The following BBS9 variants were observed in gnomAD, a reference collection of about 807,000 sequenced individuals.
The protein encoded by BBS9 is Bardet-Biedl syndrome 9.
BBS9 carries 89 observed loss-of-function variants against 117.7 expected under a neutral mutation model. The observed-to-expected ratio is 0.76, with a 90% CI of 0.64 to 0.90. The LOEUF is 0.90. Among genes scored for constraint, BBS9 ranks in the 40% least tolerant of loss-of-function variants. The probability of loss-of-function intolerance (pLI) is 0.00; values close to 1 mark genes in which losing one functional copy is unlikely to be tolerated. For synonymous variants in BBS9, 379 were observed against 370.9 expected (o/e 1.02, Z -0.25); for missense variants, 982 against 1,042.2 (o/e 0.94, Z 0.80).
chr7:33,630,498 C>A (rs1328109503), intron 21 of BBS9, among the ~76,000 whole-genome samples: 1 of 152,126 alleles, frequency 6.6e-6, no homozygotes, highest in African/African-American at 2.4e-5. Context: ...AATGCCCCTA[C>A]CCCTGCGTCC....
intron 12 of BBS9, 63 bp from the exon 13 acceptor site, chr7:33,349,004 TA>T: frequency 1.7e-6 from 2 of 1,150,012 alleles, no homozygotes; most frequent in African/African-American, 3.0e-5. Flanking sequence ...TTTAAGTAGT[TA>T]CGATAGTCTA....
chr7:33,590,335 T>A (rs906517348), intron 21 of BBS9, among the ~76,000 whole-genome samples: 1 of 152,054 alleles, frequency 6.6e-6, no homozygotes, highest in Admixed American at 6.6e-5. Context: ...GGTCAAGAGA[T>A]AGTTAATTTT....
chr7:33,358,258 T>C (rs1177256091), intron 16 of BBS9, among the ~76,000 whole-genome samples: 1 of 151,890 alleles, frequency 6.6e-6, no homozygotes, highest in Non-Finnish European at 1.5e-5. Context: ...AAATCAAGTG[T>C]TTCTCTTTAG....
chr7:33,479,215 C>A (rs185360974), intron 19 of BBS9, among the ~76,000 whole-genome samples: 102 of 152,154 alleles, frequency 6.7e-4, no homozygotes, highest in African/African-American at 2.3e-3. Context: ...AGCATAGTAC[C>A]CGCTAGGTAG....
intron 19 of BBS9, among the ~76,000 whole-genome samples, chr7:33,500,514 G>A: frequency 6.6e-6 from 1 of 152,176 alleles, no homozygotes; most frequent in Non-Finnish European, 1.5e-5. Flanking sequence ...GGGGGACAGG[G>A]GGTCAGCAGT....
chr7:33,432,451 G>A (rs1020198489), intron 19 of BBS9, among the ~76,000 whole-genome samples: 1 of 151,946 alleles, frequency 6.6e-6, no homozygotes, highest in Non-Finnish European at 1.5e-5. Flanking sequence ...TTATTTTGCA[G>A]TGTAATTACA....
Position 33,510,665 on chromosome 7 carries a change from C to T in BBS9, c.2298+5020C>T, listed in dbSNP as rs1035616246. ...CCTGTGCTGCCTAATATGGTAGCCC[C>T]TTGTCATGTGAATTTAAATAAAAAG... On this transcript the variant is annotated intron_variant, in intron 20 of 22. Transcript: ENST00000242067. Among the ~76,000 whole-genome samples, 3 of 152,112 alleles carry T rather than the reference C, an allele frequency of 2.0e-5. No homozygotes were observed. In the South Asian group the frequency reaches 6.2e-4, roughly 32 times the overall value.
At chr7:33,617,176 A>G (rs1865182388) in intron 21 of BBS9, among the ~76,000 whole-genome samples, 1 of 152,148 alleles carries the variant, frequency 6.6e-6, no homozygotes, top group African/African-American at 2.4e-5. Flanking sequence ...AAATACACCA[A>G]TTAAAAGATA....
At chr7:33,421,984 C>T (rs1040511502) in intron 19 of BBS9, among the ~76,000 whole-genome samples, 4 of 152,018 alleles carry the variant, frequency 2.6e-5, no homozygotes, top group Admixed American at 1.3e-4. Context: ...AATTGCACCA[C>T]CCAGAAAATC....
chr7:33,285,961 TATC>T (rs1802805873), intron 9 of BBS9, among the ~76,000 whole-genome samples: 1 of 151,968 alleles, frequency 6.6e-6, no homozygotes, highest in Non-Finnish European at 1.5e-5. Context: ...TTATAAACAA[TATC>T]ATAGTAATTA....
chr7:33,204,126 G>A (rs1310895530), intron 5 of BBS9, among the ~76,000 whole-genome samples: 3 of 144,656 alleles, frequency 2.1e-5, no homozygotes, highest in Non-Finnish European at 4.5e-5. Flanking sequence ...ATTTTAGGCC[G>A]GGCATGGTGG....
At chr7:33,149,774 G>C (rs981290297) in intron 2 of BBS9, among the ~76,000 whole-genome samples, 2 of 152,282 alleles carry the variant, frequency 1.3e-5, no homozygotes, top group Admixed American at 1.3e-4. Flanking sequence ...CTGAGATCTG[G>C]TTACTATACT....
At chr7:33,175,841 C>CA (rs1797264428) in intron 4 of BBS9, among the ~76,000 whole-genome samples, 2 of 152,090 alleles carry the variant, frequency 1.3e-5, no homozygotes. Context: ...TGCTCATGTA[C>CA]ACATAGGAAT....
At chr7:33,286,716 G>A (rs573768507) in intron 9 of BBS9, among the ~76,000 whole-genome samples, 10 of 152,126 alleles carry the variant, frequency 6.6e-5, no homozygotes, top group East Asian at 5.8e-4. Flanking sequence ...GTTTATATGC[G>A]GCTAAGCTCT....
intron 1 of BBS9, among the ~76,000 whole-genome samples, chr7:33,140,322 C>T (rs1379125842): frequency 1.3e-5 from 2 of 152,212 alleles, no homozygotes; most frequent in Admixed American, 1.3e-4. Flanking sequence ...CCGCACCCAG[C>T]CGGATTCCTC....
chr7:33,406,416 A>G (rs1270809810), intron 19 of BBS9, among the ~76,000 whole-genome samples: 1 of 151,850 alleles, frequency 6.6e-6, no homozygotes, highest in Non-Finnish European at 1.5e-5. Flanking sequence ...TTTTAATTGG[A>G]GCATTTAGTC....
intron 1 of BBS9, among the ~76,000 whole-genome samples, chr7:33,145,999 G>A (rs189205980): frequency 6.1e-4 from 93 of 152,304 alleles, no homozygotes; most frequent in Middle Eastern, 3.4e-3. Flanking sequence ...AAATGTTTTA[G>A]AAGAGAGAAT....
At chr7:33,324,472 T>C (rs980840061) in intron 9 of BBS9, among the ~76,000 whole-genome samples, 6 of 152,242 alleles carry the variant, frequency 3.9e-5, no homozygotes, top group Non-Finnish European at 8.8e-5. Flanking sequence ...GTTCATCTTT[T>C]AGTCTTCTTA....
chr7:33,373,605 A>C (rs908548017), intron 17 of BBS9, among the ~76,000 whole-genome samples: 1 of 152,196 alleles, frequency 6.6e-6, no homozygotes, highest in Non-Finnish European at 1.5e-5. Context: ...AATCCAGAAC[A>C]CTTCCGGTCC....
Sources: gnomAD v4.1 joint callset for allele counts (sites outside exome capture counted in the v4.1 genomes callset) on GRCh38, gnomAD v4.1.1 for gene constraint, MANE v1.5 for transcripts, NCBI Gene and HGNC (gene_info 2026-07-23, HGNC 2026-07-21) for gene names.